Variants in GABRE observed in about 807,000 individuals in gnomAD.
GABRE encodes the protein gamma-aminobutyric acid type A receptor subunit epsilon, also known as gamma-aminobutyric acid receptor subunit epsilon.
A neutral mutation model predicts 31.0 loss-of-function variants in GABRE; 20 were observed. The observed-to-expected ratio is 0.64, with a 90% CI of 0.45 to 0.94. GABRE has a LOEUF of 0.94. Ranked by LOEUF, GABRE falls within the 40% of genes least tolerant of loss-of-function variation. GABRE has a pLI of 0.00. For synonymous variants in GABRE, 155 were observed against 150.6 expected, an observed-to-expected ratio of 1.03 and a Z score of -0.21; for missense variants, 420 against 410.7, an observed-to-expected ratio of 1.02 and a Z score of -0.20.
chrX:151,968,197 T>C (rs1350178993), intron 3 of GABRE, among the ~76,000 whole-genome samples: 1 of 111,684 alleles, frequency 9.0e-6, no homozygotes, highest in Non-Finnish European at 1.9e-5. Context: ...CTGTGAGTGG[T>C]CTTGGAAATG....
chrX:151,954,556 C>T lies in GABRE; in HGVS notation c.*145G>A. ...GGGAGAGGGGCAGCAAAGACAAACC[C>T]TCTGCAAGCTTCTGTTTGGGGAATG... On this transcript the variant is annotated 3_prime_UTR_variant, in exon 9 of 9. Transcript: ENST00000370328. The T allele has an allele frequency of 6.4e-6, 3 of 467,097 alleles. No individual in the cohort carries two copies. Among genetic ancestry groups the T allele is most frequent in the East Asian group, 7.5e-5 (2 of 26,587 alleles). 38.5% of individuals were successfully genotyped at this position (467,097 alleles called of 1,213,427 possible).
intron 1 of GABRE, chrX:151,972,561 C>A (rs775407474): frequency 5.3e-6 from 4 of 751,807 alleles, no homozygotes; most frequent in Non-Finnish European, 1.6e-6. Context: ...ACGAGATCCT[C>A]CCCGCTGCCC....
In GABRE at chrX:151,955,503, GAC is replaced by G. The variant is rs1934131237; in HGVS notation, c.1000_1001del (p.Val334LeufsTer42). On this transcript the variant is annotated frameshift_variant, in exon 8 of 9. Transcript: ENST00000370328. LOFTEE classifies it high-confidence loss of function. ...GTFSRKNFPR[V>X]SYITALDFYI... is the part of the protein sequence containing the mutation. ...AGAAATCCAAGGCTGTGATATAGGAGACACGCGGGAAATTCTTACGAGAAAAG... is the reference window on the plus strand; with the variant it reads ...AGAAATCCAAGGCTGTGATATAGGAGACGCGGGAAATTCTTACGAGAAAAG... The G allele has an allele frequency of 8.3e-7, 1 of 1,210,262 alleles. No individual in the cohort carries two copies. The highest frequency in any genetic ancestry group is 1.1e-6 in the Non-Finnish European group (1 of 895,003).
intron 3 of GABRE, among the ~76,000 whole-genome samples, chrX:151,965,308 T>C (rs1370731470): frequency 1.8e-5 from 2 of 112,195 alleles, no homozygotes; most frequent in African/African-American, 6.5e-5. Context: ...TTCGTGTGCA[T>C]AGATATATCC....
chrX:151,958,267 G>A, intron 6 of GABRE: 1 of 203,486 alleles, frequency 4.9e-6, no homozygotes, highest in Non-Finnish European at 9.0e-6. Flanking sequence ...TCTCTTAGAA[G>A]CTCCTGAAGC....
intron 3 of GABRE, among the ~76,000 whole-genome samples, chrX:151,964,151 T>A (rs921144495): frequency 8.9e-5 from 10 of 111,891 alleles, no homozygotes; most frequent in African/African-American, 3.3e-4. Context: ...TTTCCATTTA[T>A]AATCAAAGTC....
intron 5 of GABRE, 79 bp from the exon 6 acceptor site, chrX:151,960,055 G>A (rs969015725): frequency 8.4e-6 from 8 of 955,019 alleles, no homozygotes; most frequent in Non-Finnish European, 1.2e-5. Flanking sequence ...AAGTCAGCCT[G>A]CACAATGCCT....
intron 1 of GABRE, among the ~76,000 whole-genome samples, chrX:151,973,981 G>A (rs960639002): frequency 4.5e-5 from 5 of 111,189 alleles, no homozygotes; most frequent in African/African-American, 9.8e-5. Flanking sequence ...ACCAAAGCTC[G>A]TGCCTGAGAC....
At position 151,961,374 on chromosome X, in the gene GABRE, G is replaced by C. The variant is rs1450608978; in HGVS notation, c.564-9C>G. On this transcript the variant is annotated splice_polypyrimidine_tract_variant and intron_variant, in intron 4 of 8. Coordinates refer to ENST00000370328, the MANE Select transcript of GABRE (RefSeq NM_004961.4). ...CGGCATCAATGGTCATCCTGGAAGG[G>C]AGAAAGGAGCCTCATCAGGCTGGCC... 8.5e-7 allele frequency: 1 copy of C among 1,172,115 alleles called. No homozygotes were observed. Among genetic ancestry groups the C allele is most frequent in the South Asian group, 1.8e-5 (1 of 55,681 alleles).
Position 151,962,547 on chromosome X carries a change from C to T in GABRE, c.439G>A (p.Val147Met). 9.9e-6 allele frequency: 12 copies of T among 1,210,936 alleles called. No individual in the cohort carries two copies. Among genetic ancestry groups the T allele is most frequent in the South Asian group, 1.8e-5 (1 of 56,928 alleles). Residue 147 changes from valine to methionine, a missense_variant, in exon 4 of 9, where the codon GTG (valine) becomes ATG (methionine). Transcript: ENST00000370328. The stretch of plus-strand genomic sequence containing the variant: ...GTGTCCGGGATCCATAGCTGGCTCA[C>T]CACATTGCCATTCAGAACAAGAGAC... The part of the protein sequence containing the change: ...FESLVLNGNV[V>M]SQLWIPDTFF...
Position 151,974,653 on chromosome X carries a change from C to A in GABRE, c.-28G>T. On this transcript the variant is annotated 5_prime_UTR_variant, in exon 1 of 9. Transcript: ENST00000370328. Reference sequence around the variant, plus strand: ...CCGCGGAGACCGGCGCGACCACCTGCGCGGAGGTCGCGGCTCACGCTCTGG... The same window carrying A: ...CCGCGGAGACCGGCGCGACCACCTGAGCGGAGGTCGCGGCTCACGCTCTGG... The A allele has an allele frequency of 9.1e-7, 1 of 1,099,628 alleles. No homozygotes were observed. The highest frequency in any genetic ancestry group is 1.2e-6 in the Non-Finnish European group (1 of 812,978). The allele number at this position is 1,099,628 out of a possible 1,213,427, so 90.6% of individuals were successfully genotyped here.
intron 6 of GABRE, chrX:151,958,397 A>G (rs1259662048): frequency 2.1e-4 from 54 of 262,178 alleles, no homozygotes; most frequent in Non-Finnish European, 3.2e-4. Flanking sequence ...CCAGGGCCCA[A>G]CTGGAAGAGT....
intron 3 of GABRE, among the ~76,000 whole-genome samples, chrX:151,968,796 G>A (rs757109031): frequency 2.7e-5 from 3 of 112,025 alleles, no homozygotes; most frequent in South Asian, 7.6e-4. Flanking sequence ...CAGCAAGGCC[G>A]ACATACCACA....
chrX:151,969,237 G>C (rs998658645), intron 3 of GABRE, among the ~76,000 whole-genome samples: 1 of 111,541 alleles, frequency 9.0e-6, no homozygotes, highest in African/African-American at 3.3e-5. Flanking sequence ...TTCTAGGTGG[G>C]AGATGATGAA....
At chrX:151,973,818 G>C (rs1203504553) in intron 1 of GABRE, among the ~76,000 whole-genome samples, 1 of 111,628 alleles carries the variant, frequency 9.0e-6, no homozygotes, top group African/African-American at 3.3e-5. Flanking sequence ...GAAATCTACG[G>C]CCCAAACCAC....
intron 4 of GABRE, among the ~76,000 whole-genome samples, 180 bp from the exon 5 acceptor site, chrX:151,961,545 A>G (rs139241729): frequency 0.011 from 1,184 of 111,504 alleles, 16 homozygotes; most frequent in African/African-American, 0.035. Context: ...AGCTCACTGC[A>G]GCCTCTTGCC....
rs138813172 is a variant in GABRE, at chrX:151,969,704, C to T, written c.307G>A (p.Val103Ile). The T allele has an allele frequency of 8.5e-5, 103 of 1,206,539 alleles. No homozygotes were observed. The African/African-American group carries it at 1.2e-3, about 14-fold the overall frequency. ...ATAGAGAGAGGACCAAGGCTGTTGA[C>T]GGAGATCTCAACAGTGACCACAGTG... The part of the protein sequence containing the change: ...KPTVVTVEIS[V>I]NSLGPLSILD... Residue 103 changes from valine to isoleucine, a missense_variant, in exon 3 of 9, where the codon GTC (valine) becomes ATC (isoleucine). Transcript: ENST00000370328.
chrX:151,969,675 T>G lies in GABRE; in HGVS notation c.336A>C (p.Leu112=). Residue 112 remains leucine, a synonymous_variant, in exon 3 of 9, where the codon CTA becomes CTC. Coordinates refer to ENST00000370328, the MANE Select transcript of GABRE (RefSeq NM_004961.4). ...AAAAAAGCTTAGTACTCACCATGTCTAGGATAGAGAGAGGACCAAGGCTGT... is the reference window on the plus strand; with the variant it reads ...AAAAAAGCTTAGTACTCACCATGTCGAGGATAGAGAGAGGACCAAGGCTGT... ...SVNSLGPLSI[L]DMEYTIDIIF... 8.3e-6 allele frequency: 10 copies of G among 1,209,452 alleles called. No homozygotes were observed. Among genetic ancestry groups the G allele is most frequent in the Non-Finnish European group, 1.1e-5 (10 of 894,320 alleles).
At chrX:151,973,363 GTCCACATCCCATT>G (rs1934778269) in intron 1 of GABRE, among the ~76,000 whole-genome samples, 1 of 111,052 alleles carries the variant, frequency 9.0e-6, no homozygotes, top group Non-Finnish European at 1.9e-5. Context: ...TTCTCAACTA[GTCCACATCCCATT>G]TTGAGGGATG....
Sources: allele counts gnomAD v4.1 joint callset (sites outside exome capture counted in the v4.1 genomes callset), GRCh38; gene constraint gnomAD v4.1.1; transcripts MANE v1.5; gene names NCBI Gene and HGNC (gene_info 2026-07-23, HGNC 2026-07-21).